DMD: variants seen among roughly 807,000 people sequenced by gnomAD.
DMD encodes dystrophin.
In DMD, 63 loss-of-function variants were observed where a neutral mutation model predicts 330.1. The observed-to-expected ratio is 0.19, with a 90% CI of 0.16 to 0.24. The LOEUF is 0.24. Among genes scored for constraint, DMD ranks in the 10% least tolerant of loss-of-function variants. The pLI is 1.00. For missense variants in DMD, 3,344 were observed against 2,684.1 expected, an observed-to-expected ratio of 1.25 and a Z score of -5.43; for synonymous variants, 1,223 against 959.8, an observed-to-expected ratio of 1.27 and a Z score of -5.07.
At chrX:32,883,399 G>A (rs1006904332) in intron 2 of DMD, among the ~76,000 whole-genome samples, 1 of 111,488 alleles carries the variant, frequency 9.0e-6, no homozygotes, top group Admixed American at 9.5e-5. Flanking sequence ...CATTTTTAAA[G>A]TATAAATCCT....
At position 32,713,461 on chromosome X, in the gene DMD, G is replaced by C. The variant is rs183004263; in HGVS notation, c.650-14168C>G. Among the ~76,000 whole-genome samples the C allele has an allele frequency of 2.9e-3, 323 of 111,326 alleles. 5 individuals are homozygous for C. The highest frequency in any genetic ancestry group is 0.027 in the Admixed American group (278 of 10,382). On this transcript the variant is annotated intron_variant, in intron 7 of 78. Coordinates refer to ENST00000357033, the MANE Select transcript of DMD (RefSeq NM_004006.3). ...CCCTGCTCCAGAGCTGCATAATGTA[G>C]TATCTGAGTTCTACCAACAACTACA...
Position 32,454,646 on chromosome X carries a change from CTTTT to C in DMD, c.3603+12_3603+15del. 2 of 999,527 alleles carry C rather than the reference CTTTT, an allele frequency of 2.0e-6. No individual in the cohort carries two copies. The highest frequency in any genetic ancestry group is 1.3e-6 in the Non-Finnish European group (1 of 741,990). The allele number at this position is 999,527 out of a possible 1,213,427, so 82.4% of individuals were successfully genotyped here. Reference sequence around the variant, plus strand: ...ATTTCCTTTGTTTTACTTAGTTTTTCTTTTTTTTTTTTTACCTTCATCTCTTCAA... The same window carrying C: ...ATTTCCTTTGTTTTACTTAGTTTTTCTTTTTTTTTACCTTCATCTCTTCAA... On this transcript the variant is annotated intron_variant, in intron 26 of 78. Transcript: ENST00000357033.
intron 6 of DMD, among the ~76,000 whole-genome samples, chrX:32,810,608 G>C (rs2077299484): frequency 8.9e-6 from 1 of 111,869 alleles, no homozygotes; most frequent in Non-Finnish European, 1.9e-5. Context: ...TTCAGAATTT[G>C]ACTGCTTCTG....
At chrX:32,137,070 A>T (rs1179293319) in intron 44 of DMD, among the ~76,000 whole-genome samples, 1 of 112,587 alleles carries the variant, frequency 8.9e-6, no homozygotes, top group African/African-American at 3.2e-5. Flanking sequence ...ATCAGCACAG[A>T]TAACATAAAA....
intron 63 of DMD, among the ~76,000 whole-genome samples, chrX:31,231,697 G>A (rs962208274): frequency 3.6e-5 from 4 of 112,308 alleles, no homozygotes; most frequent in Non-Finnish European, 7.5e-5. Context: ...GGGCCAACAT[G>A]GCGAAACCCC....
intron 51 of DMD, among the ~76,000 whole-genome samples, chrX:31,755,403 C>G (rs1482300201): frequency 8.0e-5 from 9 of 111,982 alleles, no homozygotes; most frequent in Non-Finnish European, 1.1e-4. Context: ...GATGCCTTCT[C>G]TAAGGTTAAC....
intron 7 of DMD, among the ~76,000 whole-genome samples, chrX:32,742,531 G>T (rs1164230293): frequency 8.1e-5 from 9 of 111,447 alleles, no homozygotes; most frequent in African/African-American, 2.9e-4. Context: ...TAAGCTGCTG[G>T]GCAAGGCCGA....
intron 59 of DMD, among the ~76,000 whole-genome samples, chrX:31,475,996 A>C (rs1425087322): frequency 9.0e-6 from 1 of 111,298 alleles, no homozygotes; most frequent in African/African-American, 3.3e-5. Flanking sequence ...CTAGCAGCCC[A>C]AAGATGTACA....
chrX:32,465,260 C>A (rs1423381033), intron 23 of DMD, among the ~76,000 whole-genome samples: 2 of 111,643 alleles, frequency 1.8e-5, no homozygotes, highest in Non-Finnish European at 3.8e-5. Context: ...CATCTTTTAT[C>A]ATTTATAAAT....
intron 45 of DMD, among the ~76,000 whole-genome samples, chrX:31,937,322 T>C (rs1314394632): frequency 9.0e-6 from 1 of 111,569 alleles, no homozygotes; most frequent in Non-Finnish European, 1.9e-5. Context: ...TATACTAATT[T>C]AGAAAACTCT....
chrX:32,606,835 G>A (rs1297408051), intron 12 of DMD, among the ~76,000 whole-genome samples: 3 of 108,365 alleles, frequency 2.8e-5, no homozygotes, highest in African/African-American at 1.0e-4. Flanking sequence ...GTCTTTTGCA[G>A]TTACATGAAT....
intron 4 of DMD, among the ~76,000 whole-genome samples, chrX:32,827,476 T>G (rs911750481): frequency 9.0e-6 from 1 of 110,742 alleles, no homozygotes; most frequent in African/African-American, 3.3e-5. Context: ...GCAGGTTTGT[T>G]ACATAGGTAA....
intron 44 of DMD, among the ~76,000 whole-genome samples, chrX:32,070,006 A>T (rs2096284902): frequency 8.9e-6 from 1 of 111,865 alleles, no homozygotes; most frequent in Non-Finnish European, 1.9e-5. Context: ...ATTATCTGTC[A>T]GCAGCAGGAC....
At chrX:32,333,406 G>C (rs6527182) in intron 41 of DMD, among the ~76,000 whole-genome samples, 53,450 of 109,368 alleles carry the variant, frequency 0.49, 10,979 homozygotes, top group South Asian at 0.73. Flanking sequence ...CATTGTTTTT[G>C]AAAATATTAT....
rs73221125 is a variant in DMD at position 32,294,762 on chromosome X, G to C, written c.6118-7061C>G. On this transcript the variant is annotated intron_variant, in intron 42 of 78. Coordinates refer to ENST00000357033, the MANE Select transcript of DMD (RefSeq NM_004006.3). ...CTTTTTAAAGTCCCTGCACATATTCGTGTCCTCAAGGCACTGCACACAGAA... is the reference window on the plus strand; with the variant it reads ...CTTTTTAAAGTCCCTGCACATATTCCTGTCCTCAAGGCACTGCACACAGAA... 3.0e-3 allele frequency among the ~76,000 whole-genome samples: 337 copies of C among 110,995 alleles called. 1 individual carries two copies. The highest frequency in any genetic ancestry group is 1.0e-2 in the African/African-American group (304 of 30,481).
At chrX:31,530,403 G>A (rs946596399) in intron 55 of DMD, among the ~76,000 whole-genome samples, 1 of 111,733 alleles carries the variant, frequency 8.9e-6, no homozygotes, top group African/African-American at 3.3e-5. Flanking sequence ...TGCTACTCTG[G>A]GAGCTCCTAA....
intron 13 of DMD, among the ~76,000 whole-genome samples, chrX:32,578,209 T>A (rs939155513): frequency 3.6e-5 from 4 of 111,274 alleles, no homozygotes; most frequent in Admixed American, 9.5e-5. Context: ...AAAAAAAAAA[T>A]ATGTAACTTC....
chrX:32,688,355 TTCCAGAAAC>T lies in DMD; in HGVS notation c.960+9506_960+9514del, dbSNP rs1310497865. On this transcript the variant is annotated intron_variant, in intron 9 of 78. Coordinates refer to ENST00000357033, the MANE Select transcript of DMD (RefSeq NM_004006.3). ...GGTTGGTAAAATTATATATCATCTC[TTCCAGAAAC>T]TCCAAATATCTTTACCAAATGTAAA... 1.8e-5 allele frequency among the ~76,000 whole-genome samples: 2 copies of T among 112,403 alleles called. 1 individual carries two copies. Among genetic ancestry groups the T allele is most frequent in the East Asian group, 5.5e-4 (2 of 3,614 alleles).
In DMD at chrX:33,177,366, C is replaced by T. The variant is rs191178513; in HGVS notation, c.31+33916G>A. 1.1e-4 allele frequency among the ~76,000 whole-genome samples: 12 copies of T among 111,357 alleles called. No individual in the cohort carries two copies. In the East Asian group the frequency reaches 1.4e-3, roughly 13 times the overall value. ...TTGGGTCTTAAAGACAGTATACAAA[C>T]GGAAATTTTATTTTATTTTGTTTTA... On this transcript the variant is annotated intron_variant, in intron 1 of 78. Transcript: ENST00000357033.
Sources: gnomAD v4.1 joint callset for allele counts (sites outside exome capture counted in the v4.1 genomes callset) on GRCh38, gnomAD v4.1.1 for gene constraint, MANE v1.5 for transcripts, NCBI Gene and HGNC (gene_info 2026-07-23, HGNC 2026-07-21) for gene names.